Variants in OPCML observed in about 807,000 individuals in gnomAD.
OPCML encodes opioid-binding protein/cell adhesion molecule.
In OPCML, 13 loss-of-function variants were observed where a neutral mutation model predicts 37.8. That is an observed-to-expected ratio of 0.34 (90% CI 0.22 to 0.55). The LOEUF (loss-of-function observed/expected upper bound fraction) is 0.55, where lower values mean the gene tolerates loss of function less well. Among genes scored for constraint, OPCML ranks in the 20% least tolerant of loss-of-function variants. OPCML has a pLI of 0.91. For missense variants in OPCML, 341 were observed against 435.6 expected, an observed-to-expected ratio of 0.78 and a Z score of 1.93; for synonymous variants, 176 against 168.8, an observed-to-expected ratio of 1.04 and a Z score of -0.33.
intron 2 of OPCML, among the ~76,000 whole-genome samples, chr11:132,768,548 G>C (rs922534458): frequency 6.6e-6 from 1 of 152,084 alleles, no homozygotes; most frequent in Non-Finnish European, 1.5e-5. Flanking sequence ...ATTTAAACTG[G>C]GAAACAATTA....
chr11:132,455,074 C>T (rs2096078185), intron 4 of OPCML, among the ~76,000 whole-genome samples: 1 of 152,196 alleles, frequency 6.6e-6, no homozygotes, highest in African/African-American at 2.4e-5. Flanking sequence ...TCTCCTAAAA[C>T]ATAACAGCTA....
chr11:133,230,840 C>G (rs1188892487), intron 1 of OPCML, among the ~76,000 whole-genome samples: 1 of 152,162 alleles, frequency 6.6e-6, no homozygotes, highest in African/African-American at 2.4e-5. Flanking sequence ...CTCTGCAGAT[C>G]TGGCACTAGT....
intron 2 of OPCML, among the ~76,000 whole-genome samples, chr11:132,780,854 T>A (rs775038976): frequency 1.3e-5 from 2 of 152,350 alleles, no homozygotes; most frequent in South Asian, 4.1e-4. Flanking sequence ...ATATCTAGTC[T>A]GTGTATTTTA....
At chr11:133,162,734 A>G (rs1022489129) in intron 1 of OPCML, among the ~76,000 whole-genome samples, 4 of 152,060 alleles carry the variant, frequency 2.6e-5, no homozygotes, top group Admixed American at 6.5e-5. Flanking sequence ...AGCAGAGGCT[A>G]GCGTGTTTCC....
intron 1 of OPCML, among the ~76,000 whole-genome samples, chr11:133,274,596 T>A (rs1226239132): frequency 6.6e-6 from 1 of 152,128 alleles, no homozygotes; most frequent in African/African-American, 2.4e-5. Context: ...ACCTCGAAGT[T>A]CCCTGGTTGT....
At chr11:133,046,921 G>A (rs1439967919) in intron 1 of OPCML, among the ~76,000 whole-genome samples, 4 of 151,102 alleles carry the variant, frequency 2.6e-5, no homozygotes, top group Non-Finnish European at 5.9e-5. Flanking sequence ...GAGCCGGGGA[G>A]TGGAAGGGGA....
chr11:133,144,678 C>T (rs1170533142), intron 1 of OPCML, among the ~76,000 whole-genome samples: 1 of 152,210 alleles, frequency 6.6e-6, no homozygotes, highest in Admixed American at 6.5e-5. Flanking sequence ...ACTTGTATAT[C>T]CATCCTTATC....
chr11:133,056,105 C>G (rs1423817321), intron 1 of OPCML, among the ~76,000 whole-genome samples: 2 of 152,180 alleles, frequency 1.3e-5, no homozygotes, highest in Admixed American at 1.3e-4. Flanking sequence ...TCAAAAGGCC[C>G]AGTTATCATG....
chr11:133,000,237 C>T (rs368330195), intron 1 of OPCML, among the ~76,000 whole-genome samples: 13 of 152,002 alleles, frequency 8.6e-5, no homozygotes, highest in East Asian at 1.9e-4. Context: ...CTCAGCCTCC[C>T]GAGTAGCTGG....
chr11:133,140,668 A>AAAG (rs1265903633), intron 1 of OPCML, among the ~76,000 whole-genome samples: 2 of 1,852 alleles, frequency 1.1e-3, no homozygotes, highest in South Asian at 0.043. Flanking sequence ...GAAAAGAAGA[A>AAAG]AAGAAGAAAG....
At chr11:133,226,611 CAT>C (rs1312742087) in intron 1 of OPCML, among the ~76,000 whole-genome samples, 2 of 152,208 alleles carry the variant, frequency 1.3e-5, no homozygotes, top group Admixed American at 1.3e-4. Context: ...AGATTAATCA[CAT>C]GTGATATTTT....
At chr11:132,996,014 G>A (rs1346948107) in intron 1 of OPCML, among the ~76,000 whole-genome samples, 1 of 152,162 alleles carries the variant, frequency 6.6e-6, no homozygotes, top group Non-Finnish European at 1.5e-5. Flanking sequence ...ATGGTGATGA[G>A]GGTCCCTTCC....
chr11:132,718,362 G>T (rs888599414), intron 2 of OPCML, among the ~76,000 whole-genome samples: 2 of 152,178 alleles, frequency 1.3e-5, no homozygotes, highest in Non-Finnish European at 2.9e-5. Context: ...CATTCAAAAT[G>T]AGTATTTAGA....
At chr11:132,917,286 T>C (rs1049165630) in intron 2 of OPCML, among the ~76,000 whole-genome samples, 5 of 152,228 alleles carry the variant, frequency 3.3e-5, no homozygotes, top group Non-Finnish European at 7.3e-5. Flanking sequence ...CATTCAATAG[T>C]AGCTATGGCC....
intron 4 of OPCML, among the ~76,000 whole-genome samples, chr11:132,508,481 A>C (rs2137164615): frequency 6.7e-6 from 1 of 149,140 alleles, no homozygotes; most frequent in Non-Finnish European, 1.5e-5. Flanking sequence ...ATTGGACAAA[A>C]TGGAAGATCT....
chr11:132,748,377 C>A (rs1310114315), intron 2 of OPCML, among the ~76,000 whole-genome samples: 1 of 152,148 alleles, frequency 6.6e-6, no homozygotes, highest in Non-Finnish European at 1.5e-5. Context: ...AGCTCCTGTT[C>A]TAGGGGCTAG....
intron 1 of OPCML, among the ~76,000 whole-genome samples, chr11:133,228,694 A>C (rs1940146303): frequency 6.6e-6 from 1 of 152,202 alleles, no homozygotes; most frequent in South Asian, 2.1e-4. Context: ...CCTCCCACGA[A>C]TTTATGGAAG....
intron 1 of OPCML, among the ~76,000 whole-genome samples, chr11:133,121,047 C>G (rs898163333): frequency 6.6e-6 from 1 of 152,136 alleles, no homozygotes; most frequent in Non-Finnish European, 1.5e-5. Context: ...CTTAGCCTCC[C>G]AAGTAGCTGG....
intron 1 of OPCML, among the ~76,000 whole-genome samples, chr11:132,961,370 C>A (rs1476164196): frequency 6.6e-6 from 1 of 151,942 alleles, no homozygotes; most frequent in Non-Finnish European, 1.5e-5. Flanking sequence ...CTAAAGAGCC[C>A]AAGATATAAA....
Sources: gnomAD v4.1 joint callset for allele counts (sites outside exome capture counted in the v4.1 genomes callset) on GRCh38, gnomAD v4.1.1 for gene constraint, MANE v1.5 for transcripts, NCBI Gene and HGNC (gene_info 2026-07-23, HGNC 2026-07-21) for gene names.